The following KCNT2 variants were observed in gnomAD, a reference collection of about 807,000 sequenced individuals.
KCNT2 encodes the protein potassium channel subfamily T member 2.
Under a neutral mutation model 153.8 loss-of-function variants are expected in KCNT2, and 67 were observed. That is an observed-to-expected ratio of 0.44 (90% CI 0.36 to 0.53). The LOEUF (loss-of-function observed/expected upper bound fraction) is 0.53. Ranked by LOEUF, KCNT2 falls within the 20% of genes least tolerant of loss-of-function variation. The pLI is 0.00. For missense variants in KCNT2, 975 were observed against 1,354.8 expected, an observed-to-expected ratio of 0.72 and a Z score of 4.40; for synonymous variants, 500 against 458.8, an observed-to-expected ratio of 1.09 and a Z score of -1.15.
rs1665557765 is a variant in KCNT2 at position 196,608,433 on chromosome 1, A to C, written c.-124T>G. 2 of 548,322 alleles carry C rather than the reference A, an allele frequency of 3.6e-6. No homozygotes were observed. The highest frequency in any genetic ancestry group is 4.6e-5 in the Admixed American group (2 of 43,752). The allele number at this position is 548,322 out of a possible 1,614,324, so 34.0% of individuals were successfully genotyped here. On this transcript the variant is annotated 5_prime_UTR_variant, in exon 1 of 28. Transcript: ENST00000294725. ...CTGTGGCCGAGAGAGGGATGGGAGAAGGGGAAGGGGACAGGGAGGGGGAGG... is the reference window on the plus strand; with the variant it reads ...CTGTGGCCGAGAGAGGGATGGGAGACGGGGAAGGGGACAGGGAGGGGGAGG...
At chr1:196,472,127 G>C (rs1179255939) in intron 5 of KCNT2, among the ~76,000 whole-genome samples, 2 of 152,124 alleles carry the variant, frequency 1.3e-5, no homozygotes, top group African/African-American at 2.4e-5. Context: ...GCAAGCACTT[G>C]TAACATTTCA....
intron 8 of KCNT2, among the ~76,000 whole-genome samples, chr1:196,437,399 TTA>T (rs572788806): frequency 3.5e-5 from 5 of 140,900 alleles, no homozygotes; most frequent in African/African-American, 1.3e-4. Context: ...TACACAAATT[TTA>T]TATATATATA....
intron 26 of KCNT2, among the ~76,000 whole-genome samples, chr1:196,247,374 C>A (rs1655549363): frequency 6.6e-6 from 1 of 152,126 alleles, no homozygotes; most frequent in Non-Finnish European, 1.5e-5. Context: ...AACAGATCAT[C>A]CAGACAGAAA....
rs1434997425 is a variant in KCNT2, at chr1:196,590,661, A to G, written c.95+17554T>C. ...AGGGCTCCATCACTCACAAAATCCTAAAGGTTGATCTACTTTAAAATTTTA... is the reference window on the plus strand; with the variant it reads ...AGGGCTCCATCACTCACAAAATCCTGAAGGTTGATCTACTTTAAAATTTTA... On this transcript the variant is annotated intron_variant, in intron 1 of 27. Transcript: ENST00000294725. 3.9e-5 allele frequency among the ~76,000 whole-genome samples: 6 copies of G among 152,124 alleles called. 1 individual carries two copies. The East Asian group carries it at 1.2e-3, about 29-fold the overall frequency.
intron 9 of KCNT2, among the ~76,000 whole-genome samples, chr1:196,429,156 A>G (rs75117083): frequency 0.02 from 3,034 of 151,970 alleles, 100 homozygotes; most frequent in African/African-American, 0.069. Context: ...ATTTTATTTG[A>G]CAAACATAAG....
intron 13 of KCNT2, among the ~76,000 whole-genome samples, chr1:196,382,938 A>G (rs1044868654): frequency 6.6e-6 from 1 of 152,196 alleles, no homozygotes; most frequent in Non-Finnish European, 1.5e-5. Context: ...AGTGAAAAAA[A>G]AAGGATCAGC....
intron 1 of KCNT2, among the ~76,000 whole-genome samples, chr1:196,534,389 C>T (rs1045784198): frequency 6.6e-6 from 1 of 152,030 alleles, no homozygotes; most frequent in South Asian, 2.1e-4. Flanking sequence ...CATTTTGAAA[C>T]CTTACTCCAG....
At chr1:196,450,778 G>C (rs569204946) in intron 8 of KCNT2, among the ~76,000 whole-genome samples, 2 of 151,810 alleles carry the variant, frequency 1.3e-5, no homozygotes, top group South Asian at 4.2e-4. Flanking sequence ...TCTCCATATA[G>C]TATCCACAGC....
At position 196,593,311 on chromosome 1, in the gene KCNT2, T is replaced by TATATATAC. The variant is rs1256165838; in HGVS notation, c.95+14903_95+14904insGTATATAT. On this transcript the variant is annotated intron_variant, in intron 1 of 27. Transcript: ENST00000294725. The stretch of plus-strand genomic sequence containing the variant: ...CATATATATAATATATATATATATA[T>TATATATAC]ACACACACACACACACACACACACA... Among the ~76,000 whole-genome samples the TATATATAC allele has an allele frequency of 2.6e-3, 358 of 140,188 alleles. 1 individual carries two copies. The highest frequency in any genetic ancestry group is 9.5e-3 in the African/African-American group (340 of 35,722). 92.0% of individuals were successfully genotyped at this position (140,188 alleles called of 152,430 possible). A position where few individuals can be genotyped will look rare whatever the true frequency, so the allele number is the denominator to read the frequency against.
chr1:196,511,116 AACACACACAC>A (rs35177032), intron 1 of KCNT2, among the ~76,000 whole-genome samples: 5,673 of 146,330 alleles, frequency 0.039, 222 homozygotes, highest in African/African-American at 0.095. Context: ...AAACACACAC[AACACACACAC>A]ACACACACAC....
At chr1:196,497,851 T>G (rs901864522) in intron 1 of KCNT2, among the ~76,000 whole-genome samples, 2 of 152,176 alleles carry the variant, frequency 1.3e-5, no homozygotes, top group East Asian at 3.9e-4. Context: ...TCAGGTAATT[T>G]ACTGTTGGAT....
chr1:196,284,980 T>C (rs1659522878), intron 23 of KCNT2, among the ~76,000 whole-genome samples: 1 of 152,236 alleles, frequency 6.6e-6, no homozygotes, highest in South Asian at 2.1e-4. Flanking sequence ...TATTTCTTTC[T>C]TCTTAATGGA....
At chr1:196,334,199 TAA>T in intron 16 of KCNT2, 139 bp from the exon 17 acceptor site, 1 of 596,272 alleles carries the variant, frequency 1.7e-6, no homozygotes, top group Non-Finnish European at 2.9e-6. Flanking sequence ...GTGTGGTGTA[TAA>T]GTTTAGTTCT....
At chr1:196,340,203 A>C in intron 16 of KCNT2, 138 bp downstream of exon 16, 1 of 579,602 alleles carries the variant, frequency 1.7e-6, no homozygotes, top group Non-Finnish European at 3.0e-6. Flanking sequence ...CTGTATACCT[A>C]GTCATACCTA....
chr1:196,246,171 C>T (rs1349204577), intron 26 of KCNT2, among the ~76,000 whole-genome samples: 1 of 152,038 alleles, frequency 6.6e-6, no homozygotes, highest in Non-Finnish European at 1.5e-5. Flanking sequence ...CCTTACAGGC[C>T]AGGAGACAGT....
chr1:196,469,150 C>G, intron 5 of KCNT2, 82 bp from the exon 6 acceptor site: 1 of 759,304 alleles, frequency 1.3e-6, no homozygotes, highest in South Asian at 1.5e-5. Context: ...CTTAGAATTT[C>G]TCTAGCAATA....
chr1:196,238,812 C>T (rs1387702640), intron 26 of KCNT2, among the ~76,000 whole-genome samples: 1 of 151,606 alleles, frequency 6.6e-6, no homozygotes, highest in Non-Finnish European at 1.5e-5. Flanking sequence ...TACATGTACC[C>T]GAGAACTTAA....
At chr1:196,515,980 C>G (rs988084111) in intron 1 of KCNT2, among the ~76,000 whole-genome samples, 7 of 152,164 alleles carry the variant, frequency 4.6e-5, no homozygotes, top group African/African-American at 1.7e-4. Flanking sequence ...GCATGCAGAG[C>G]ATCTGGTCAG....
rs532770241 is a variant in KCNT2 at position 196,589,695 on chromosome 1, C to A, written c.95+18520G>T. ...CTGATTATATGTGACTACTGTTCCA[C>A]ATTCTTGATATTCTTGGCTCTCTGT... is the stretch of plus-strand genomic sequence containing the variant. On this transcript the variant is annotated intron_variant, in intron 1 of 27. Coordinates refer to ENST00000294725, the MANE Select transcript of KCNT2 (RefSeq NM_198503.5). 3.3e-5 allele frequency among the ~76,000 whole-genome samples: 5 copies of A among 152,226 alleles called. No homozygotes were observed. The South Asian group carries it at 1.0e-3, about 32-fold the overall frequency.
Sources: allele counts gnomAD v4.1 joint callset (sites outside exome capture counted in the v4.1 genomes callset), GRCh38; gene constraint gnomAD v4.1.1; transcripts MANE v1.5; gene names NCBI Gene and HGNC (gene_info 2026-07-23, HGNC 2026-07-21).